Variants in VWA8 observed in about 807,000 individuals in gnomAD.
VWA8 encodes von Willebrand factor A domain containing 8.
Under a neutral mutation model 241.5 loss-of-function variants are expected in VWA8, and 221 were observed. The observed-to-expected ratio is 0.91, with a 90% CI of 0.82 to 1.02. The LOEUF is 1.02. Among genes scored for constraint, VWA8 ranks in the 50% least tolerant of loss-of-function variants. VWA8 has a pLI of 0.00. For missense variants in VWA8, 2,322 were observed against 2,328.7 expected, an observed-to-expected ratio of 1.00 and a Z score of 0.06; for synonymous variants, 852 against 827.1, an observed-to-expected ratio of 1.03 and a Z score of -0.52.
intron 4 of VWA8, among the ~76,000 whole-genome samples, chr13:41,897,932 T>C (rs893128667): frequency 2.6e-5 from 4 of 152,196 alleles, no homozygotes; most frequent in African/African-American, 9.6e-5. Context: ...AGCCGAGTGG[T>C]CTGTTTTGAC....
At chr13:41,881,267 TCTGCATTCC>T (rs1292800787) in intron 9 of VWA8, among the ~76,000 whole-genome samples, 1 of 150,680 alleles carries the variant, frequency 6.6e-6, no homozygotes, top group Non-Finnish European at 1.5e-5. Flanking sequence ...AGGCTCATCT[TCTGCATTCC>T]CTGACCTAAT....
intron 40 of VWA8, among the ~76,000 whole-genome samples, chr13:41,595,356 TC>T (rs2139650369): frequency 6.6e-6 from 1 of 152,276 alleles, no homozygotes; most frequent in African/African-American, 2.4e-5. Flanking sequence ...AAACACTTTT[TC>T]CAATAAATCT....
intron 21 of VWA8, among the ~76,000 whole-genome samples, chr13:41,741,674 C>T (rs2045570746): frequency 6.6e-6 from 1 of 152,158 alleles, no homozygotes; most frequent in Non-Finnish European, 1.5e-5. Flanking sequence ...AAAGAATAAA[C>T]ACATGAATGT....
chr13:41,840,878 T>C (rs1432300344), intron 12 of VWA8, among the ~76,000 whole-genome samples: 1 of 152,102 alleles, frequency 6.6e-6, no homozygotes, highest in Non-Finnish European at 1.5e-5. Context: ...GGTCATCCTA[T>C]AGAGAACAAC....
At chr13:41,805,741 G>A (rs1171450849) in intron 17 of VWA8, among the ~76,000 whole-genome samples, 1 of 152,072 alleles carries the variant, frequency 6.6e-6, no homozygotes, top group African/African-American at 2.4e-5. Flanking sequence ...TTGAACCTGG[G>A]AGGCGGAGGT....
chr13:41,894,307 C>A (rs1420779558), intron 4 of VWA8, among the ~76,000 whole-genome samples: 1 of 152,164 alleles, frequency 6.6e-6, no homozygotes. Flanking sequence ...GCAGAGAGAT[C>A]AAAAACAGAA....
chr13:41,654,657 A>G (rs1475118993), intron 37 of VWA8, among the ~76,000 whole-genome samples: 3 of 152,160 alleles, frequency 2.0e-5, no homozygotes, highest in Non-Finnish European at 4.4e-5. Flanking sequence ...CCAGCTCCTC[A>G]CTTCTTGCTG....
chr13:41,631,636 T>C (rs2044727499), intron 37 of VWA8, among the ~76,000 whole-genome samples: 1 of 152,178 alleles, frequency 6.6e-6, no homozygotes, highest in Non-Finnish European at 1.5e-5. Context: ...ATTCATTCTC[T>C]TCTATTTAAA....
At chr13:41,734,689 C>T (rs2045511851) in intron 21 of VWA8, among the ~76,000 whole-genome samples, 2 of 152,180 alleles carry the variant, frequency 1.3e-5, no homozygotes, top group South Asian at 4.1e-4. Context: ...TTCCTGATTC[C>T]TAACCAACTC....
At chr13:41,829,573 A>ACACGCACG (rs1414338662) in intron 14 of VWA8, among the ~76,000 whole-genome samples, 1 of 151,466 alleles carries the variant, frequency 6.6e-6, no homozygotes, top group Admixed American at 6.6e-5. Context: ...ACACATGCAC[A>ACACGCACG]CACACACACA....
chr13:41,580,759 C>T (rs546153213), intron 42 of VWA8, among the ~76,000 whole-genome samples: 2 of 152,312 alleles, frequency 1.3e-5, no homozygotes, highest in African/African-American at 4.8e-5. Context: ...TGCACTGTAA[C>T]GGTGTGACCT....
rs2044545372 is a variant in VWA8 at position 41,605,163 on chromosome 13, A to G, written c.4986+5T>C. The G allele has an allele frequency of 1.2e-6, 2 of 1,612,560 alleles. No homozygotes were observed. The highest frequency in any genetic ancestry group is 1.7e-6 in the Non-Finnish European group (2 of 1,178,938). ...TATTTTCTTGGTCCATAAGTAGAAGATTACCTGTAAATTATCCAGGATGAT... is the reference window on the plus strand; with the variant it reads ...TATTTTCTTGGTCCATAAGTAGAAGGTTACCTGTAAATTATCCAGGATGAT... On this transcript the variant is annotated splice_donor_5th_base_variant and intron_variant, in intron 40 of 44. Transcript: ENST00000379310.
At position 41,761,197 on chromosome 13, in the gene VWA8, C is replaced by T. The variant is rs761648669; in HGVS notation, c.2357G>A (p.Gly786Glu). ...GAATCTGTCAACAATCTTGTTTTTT[C>T]CTACACCCTGTAATTACACAGAAAA... ...HLLLVGNQGV[G>E]KNKIVDRFLH... Residue 786 changes from glycine to glutamate, a missense_variant, in exon 21 of 45, where the codon GGA becomes GAA. Gly to Glu is a moderately conservative substitution (Grantham distance 98). Coordinates refer to ENST00000379310, the MANE Select transcript of VWA8 (RefSeq NM_015058.2). The T allele has an allele frequency of 1.2e-6, 2 of 1,610,898 alleles. No individual in the cohort carries two copies. Among genetic ancestry groups the T allele is most frequent in the Non-Finnish European group, 1.7e-6 (2 of 1,178,102 alleles).
intron 9 of VWA8, among the ~76,000 whole-genome samples, chr13:41,879,965 A>T (rs1874091895): frequency 6.6e-6 from 1 of 152,184 alleles, no homozygotes; most frequent in South Asian, 2.1e-4. Flanking sequence ...ATATGGAGGA[A>T]TTAATTTTGG....
rs1325510775 is a variant in VWA8, at chr13:41,868,421, T to C, written c.1137A>G (p.Val379=). The change falls in exon 10 of 45, where the codon GTA becomes GTG. Residue 379 remains valine (V), a synonymous_variant. Transcript: ENST00000379310. Reference sequence around the variant, plus strand: ...ACACATGGTTTTCCATCATCTTCTCTACTTTTACAATCTCTTTAGGAAGTA... The same window carrying C: ...ACACATGGTTTTCCATCATCTTCTCCACTTTTACAATCTCTTTAGGAAGTA... ...SSLLPKEIVK[V]EKMMENHVSQ... is the part of the protein sequence containing the mutation. The C allele has an allele frequency of 1.9e-6, 3 of 1,614,042 alleles. No homozygotes were observed. In the African/African-American group the frequency reaches 4.0e-5, roughly 22 times the overall value.
At chr13:41,631,406 C>T (rs1340777878) in intron 37 of VWA8, among the ~76,000 whole-genome samples, 1 of 152,086 alleles carries the variant, frequency 6.6e-6, no homozygotes, top group African/African-American at 2.4e-5. Flanking sequence ...CTCAGCTTGA[C>T]TTTGACCCCT....
chr13:41,763,612 T>C (rs941602732), intron 20 of VWA8, among the ~76,000 whole-genome samples: 25 of 152,202 alleles, frequency 1.6e-4, no homozygotes, highest in African/African-American at 5.6e-4. Flanking sequence ...TGACCATAAA[T>C]ATAAATTTTT....
intron 9 of VWA8, among the ~76,000 whole-genome samples, chr13:41,878,684 T>C (rs1300738558): frequency 6.6e-6 from 1 of 152,160 alleles, no homozygotes; most frequent in Non-Finnish European, 1.5e-5. Flanking sequence ...ACACTCTACA[T>C]TCAAATTTGA....
chr13:41,893,860 G>C (rs1874972775), intron 4 of VWA8, among the ~76,000 whole-genome samples: 1 of 152,064 alleles, frequency 6.6e-6, no homozygotes, highest in African/African-American at 2.4e-5. Flanking sequence ...CTCCAGCCTG[G>C]GCGACAGAGC....
Sources: gnomAD v4.1 joint callset for allele counts (sites outside exome capture counted in the v4.1 genomes callset) on GRCh38, gnomAD v4.1.1 for gene constraint, MANE v1.5 for transcripts, NCBI Gene and HGNC (gene_info 2026-07-23, HGNC 2026-07-21) for gene names.